The following SCP2 variants were observed in gnomAD, a reference collection of about 807,000 sequenced individuals.
SCP2 encodes the protein SCP-2/3-oxoacyl-CoA thiolase.
Under a neutral mutation model 71.4 loss-of-function variants are expected in SCP2, and 48 were observed. The observed-to-expected ratio is 0.67, with a 90% CI of 0.53 to 0.86. The LOEUF is 0.86. SCP2 is among the 40% of genes least tolerant of loss of function. The pLI is 0.00. For synonymous variants in SCP2, 220 were observed against 218.1 expected (o/e 1.01, Z -0.08); for missense variants, 560 against 655.6 (o/e 0.85, Z 1.59).
intron 14 of SCP2, among the ~76,000 whole-genome samples, chr1:53,044,712 T>C (rs1663675889): frequency 2.6e-5 from 4 of 152,206 alleles, no homozygotes; most frequent in Admixed American, 2.6e-4. Context: ...AGAATCCTAT[T>C]GTTATATTAA....
intron 12 of SCP2, among the ~76,000 whole-genome samples, chr1:53,019,719 G>A (rs7544876): frequency 0.14 from 21,839 of 152,076 alleles, 2,276 homozygotes; most frequent in East Asian, 0.33. Flanking sequence ...TTTGTTTTAA[G>A]ACAGATATTT....
chr1:53,038,143 C>T (rs929878653), intron 13 of SCP2, among the ~76,000 whole-genome samples: 10 of 149,238 alleles, frequency 6.7e-5, no homozygotes, highest in African/African-American at 2.5e-4. Context: ...GAGACCTTGT[C>T]TCAAAAAAAA....
chr1:53,048,080 A>G (rs1351294989), intron 15 of SCP2, 143 bp downstream of exon 15: 2 of 688,660 alleles, frequency 2.9e-6, no homozygotes, highest in Non-Finnish European at 5.4e-6. Context: ...ACGTCTGTGG[A>G]GCAAGCTGTG....
intron 14 of SCP2, 40 bp downstream of exon 14, chr1:53,039,086 G>A (rs1366768021): frequency 6.2e-7 from 1 of 1,612,828 alleles, no homozygotes; most frequent in East Asian, 2.2e-5. Flanking sequence ...GCACTGACGA[G>A]TTTACGAAGG....
chr1:53,049,305 T>G (rs186737313), intron 15 of SCP2: 1 of 152,362 alleles, frequency 6.6e-6, no homozygotes, highest in Non-Finnish European at 1.5e-5. Context: ...CTTATTTTCC[T>G]TCAGCACCTG....
intron 10 of SCP2, among the ~76,000 whole-genome samples, chr1:52,982,505 G>A (rs1658620328): frequency 1.3e-5 from 2 of 152,144 alleles, no homozygotes; most frequent in South Asian, 2.1e-4. Flanking sequence ...GGGAGGCGGA[G>A]CTTGCAGGGA....
chr1:52,988,275 T>G, intron 11 of SCP2, 139 bp downstream of exon 11: 1 of 648,120 alleles, frequency 1.5e-6, no homozygotes, highest in South Asian at 1.8e-5. Context: ...AGCTTCAATA[T>G]TTTTGATGTT....
intron 11 of SCP2, among the ~76,000 whole-genome samples, chr1:52,999,546 G>A (rs954078775): frequency 1.2e-4 from 18 of 151,964 alleles, no homozygotes; most frequent in Non-Finnish European, 2.2e-4. Context: ...CTGGATGAAA[G>A]TTTCTACCTG....
rs1487423339 is a variant in SCP2, at chr1:52,950,783, C to A, written c.228C>A (p.Ile76=). The A allele has an allele frequency of 4.3e-6, 7 of 1,613,508 alleles. No homozygotes were observed. Among genetic ancestry groups the A allele is most frequent in the Non-Finnish European group, 1.7e-6 (2 of 1,179,624 alleles). The change falls in exon 4 of 16, where the codon ATC becomes ATA. Residue 76 remains isoleucine (I), a synonymous_variant. Coordinates refer to ENST00000371514, the MANE Select transcript of SCP2 (RefSeq NM_002979.5). ...FGDSTCGQRA[I]YHSLGMTGIP... ...ACTCTACCTGTGGGCAGAGGGCTAT[C>A]TATCACAGTTTGGGAATGACTGGAA...
chr1:52,950,730 T>C (rs542192552), intron 3 of SCP2, 25 bp from the exon 4 acceptor site: 3 of 1,604,482 alleles, frequency 1.9e-6, no homozygotes, highest in East Asian at 4.5e-5. Context: ...ATTCTCCATA[T>C]TAAAATTTTT....
intron 11 of SCP2, chr1:52,993,912 C>T: frequency 7.8e-6 from 11 of 1,405,242 alleles, no homozygotes; most frequent in Non-Finnish European, 9.2e-6. Context: ...TGCAAATCTT[C>T]AGCCCTATAC....
In SCP2 at chr1:53,047,901, C is replaced by G. The variant is rs752929537; in HGVS notation, c.1512C>G (p.Phe504Leu). 1.7e-5 allele frequency: 27 copies of G among 1,613,520 alleles called. No individual in the cohort carries two copies. In the South Asian group the frequency reaches 3.0e-4, roughly 18 times the overall value. Residue 504 changes from phenylalanine (F) to leucine (L), a missense_variant, in exon 15 of 16, where the codon TTC (phenylalanine) becomes TTG (leucine). By Grantham distance (22) the Phe-to-Leu change is conservative. Transcript: ENST00000371514. Reference sequence around the variant, plus strand: ...CAATCACAATGGCTGACTCAGACTTCCTGGCTTTAATGACTGGTAAAATGA... The same window carrying G: ...CAATCACAATGGCTGACTCAGACTTGCTGGCTTTAATGACTGGTAAAATGA... Reference protein sequence around the residue: ...DCTITMADSDFLALMTGKMNP... With the variant: ...DCTITMADSDLLALMTGKMNP...
chr1:53,044,968 G>T (rs893171393), intron 14 of SCP2, among the ~76,000 whole-genome samples: 2 of 152,142 alleles, frequency 1.3e-5, no homozygotes, highest in African/African-American at 4.8e-5. Flanking sequence ...CAAACGAAAC[G>T]AAGAACTACC....
intron 11 of SCP2, among the ~76,000 whole-genome samples, chr1:53,005,395 A>G (rs374550544): frequency 1.2e-4 from 18 of 152,280 alleles, no homozygotes; most frequent in South Asian, 6.2e-4. Flanking sequence ...AACACCTCAT[A>G]CAGCCGGGTG....
At chr1:53,043,184 A>G (rs529744885) in intron 14 of SCP2, among the ~76,000 whole-genome samples, 84 of 152,352 alleles carry the variant, frequency 5.5e-4, no homozygotes, top group African/African-American at 1.9e-3. Context: ...CAGAGGGTAT[A>G]TACCTTCCCT....
At position 52,948,015 on chromosome 1, in the gene SCP2, A is replaced by G. The variant is rs771234357; in HGVS notation, c.134A>G (p.Lys45Arg). The part of the protein sequence containing the change: ...YPDLAEEAGK[K>R]ALADAQIPYS... The stretch of plus-strand genomic sequence containing the variant: ...AAACCTTTCGTTTTTATAGGCAAGA[A>G]GGCTTTAGCTGATGCACAGATCCCT... Residue 45 changes from lysine to arginine, a missense_variant, in exon 3 of 16, where the codon AAG (lysine) becomes AGG (arginine). Coordinates refer to ENST00000371514, the MANE Select transcript of SCP2 (RefSeq NM_002979.5). 12 of 1,611,560 alleles carry G rather than the reference A, an allele frequency of 7.4e-6. No individual in the cohort carries two copies. Among genetic ancestry groups the G allele is most frequent in the Middle Eastern group, 1.7e-4 (1 of 5,960 alleles).
chr1:52,933,442 GAAA>G (rs886770145), intron 1 of SCP2, among the ~76,000 whole-genome samples: 7 of 151,324 alleles, frequency 4.6e-5, no homozygotes, highest in Admixed American at 3.3e-4. Context: ...CAAAAATTAA[GAAA>G]AAAAACCCCA....
At chr1:53,047,999 C>A in intron 15 of SCP2, 62 bp downstream of exon 15, 2 of 1,131,518 alleles carry the variant, frequency 1.8e-6, no homozygotes, top group Non-Finnish European at 2.7e-6. Flanking sequence ...TCTACTCCAT[C>A]TCCTGACTCA....
At chr1:53,018,206 A>G (rs1661478310) in intron 12 of SCP2, among the ~76,000 whole-genome samples, 1 of 152,202 alleles carries the variant, frequency 6.6e-6, no homozygotes, top group Non-Finnish European at 1.5e-5. Flanking sequence ...CAAACAGGAA[A>G]AAATTCTAAG....
Sources: allele counts gnomAD v4.1 joint callset (sites outside exome capture counted in the v4.1 genomes callset), GRCh38; gene constraint gnomAD v4.1.1; transcripts MANE v1.5; gene names NCBI Gene and HGNC (gene_info 2026-07-23, HGNC 2026-07-21).